Variants in SHROOM4 observed in about 807,000 individuals in gnomAD.
The protein encoded by SHROOM4 is shroom family member 4, also known as protein Shroom4.
In SHROOM4, 17 loss-of-function variants were observed where a neutral mutation model predicts 80.3. That is an observed-to-expected ratio of 0.21 (90% CI 0.14 to 0.32). The LOEUF is 0.32. Among genes scored for constraint, SHROOM4 ranks in the 10% least tolerant of loss-of-function variants. The pLI, the probability that SHROOM4 is intolerant of heterozygous loss-of-function variation, is 1.00. For synonymous variants in SHROOM4, 400 were observed against 437.5 expected (o/e 0.91, Z 1.07); for missense variants, 993 against 1,140.3 (o/e 0.87, Z 1.86).
intron 7 of SHROOM4, among the ~76,000 whole-genome samples, chrX:50,602,283 G>C (rs1929461234): frequency 9.1e-6 from 1 of 110,148 alleles, no homozygotes; most frequent in Non-Finnish European, 1.9e-5. Flanking sequence ...GTAGAGACGG[G>C]GTTTCACCAT....
intron 5 of SHROOM4, among the ~76,000 whole-genome samples, chrX:50,623,015 T>C (rs1930637019): frequency 8.9e-6 from 1 of 111,743 alleles, no homozygotes; most frequent in African/African-American, 3.3e-5. Flanking sequence ...GGTCTGAGTA[T>C]GGCCTGAGAA....
At chrX:50,805,514 T>C (rs1378687062) in intron 1 of SHROOM4, among the ~76,000 whole-genome samples, 3 of 111,486 alleles carry the variant, frequency 2.7e-5, no homozygotes, top group African/African-American at 9.8e-5. Context: ...ATTAAAAGAG[T>C]TGAGTGAAAG....
intron 1 of SHROOM4, among the ~76,000 whole-genome samples, chrX:50,707,744 C>A (rs1230926517): frequency 9.2e-6 from 1 of 108,649 alleles, no homozygotes; most frequent in Non-Finnish European, 1.9e-5. Context: ...CTTCCTTCTT[C>A]TTTATGGCTG....
At chrX:50,602,892 G>A (rs1217347675) in intron 6 of SHROOM4, 79 bp from the exon 7 acceptor site, 4 of 955,182 alleles carry the variant, frequency 4.2e-6, no homozygotes, top group Non-Finnish European at 5.9e-6. Context: ...TTCTCCATCT[G>A]AAAAATGGAA....
At chrX:50,776,458 C>T (rs1557270134) in intron 1 of SHROOM4, among the ~76,000 whole-genome samples, 1 of 110,947 alleles carries the variant, frequency 9.0e-6, no homozygotes, top group African/African-American at 3.3e-5. Flanking sequence ...ATATAAATAA[C>T]ACTATCTGCA....
intron 7 of SHROOM4, among the ~76,000 whole-genome samples, chrX:50,601,750 C>T (rs1199450056): frequency 8.9e-6 from 1 of 112,103 alleles, no homozygotes; most frequent in Non-Finnish European, 1.9e-5. Context: ...AATTGACTAT[C>T]CTTGCAAATA....
chrX:50,714,424 T>G (rs147809289), intron 1 of SHROOM4, among the ~76,000 whole-genome samples: 6,334 of 111,683 alleles, frequency 0.057, 439 homozygotes, highest in African/African-American at 0.2. Flanking sequence ...TAGAAGAAAG[T>G]ATCTTGAGAT....
intron 1 of SHROOM4, among the ~76,000 whole-genome samples, chrX:50,726,888 G>A (rs1486787390): frequency 3.6e-5 from 4 of 112,558 alleles, no homozygotes; most frequent in Non-Finnish European, 7.5e-5. Flanking sequence ...TGTGAGAAGA[G>A]GGCCACCATC....
intron 6 of SHROOM4, among the ~76,000 whole-genome samples, chrX:50,606,812 A>G (rs1929692333): frequency 9.1e-6 from 1 of 110,409 alleles, no homozygotes; most frequent in Non-Finnish European, 1.9e-5. Flanking sequence ...GAATGTCCTT[A>G]TCTATTGTAA....
intron 5 of SHROOM4, 105 bp from the exon 6 acceptor site, chrX:50,608,289 G>A: frequency 1.6e-6 from 1 of 639,547 alleles, no homozygotes; most frequent in South Asian, 2.6e-5. Context: ...ACAAAACAAT[G>A]TAGTATGTGT....
At chrX:50,758,802 C>T (rs1425206885) in intron 1 of SHROOM4, among the ~76,000 whole-genome samples, 2 of 111,354 alleles carry the variant, frequency 1.8e-5, no homozygotes, top group Non-Finnish European at 3.8e-5. Flanking sequence ...CTGGGCTTTT[C>T]TTTATGGGAA....
At chrX:50,626,440 G>T (rs782493380) in intron 5 of SHROOM4, among the ~76,000 whole-genome samples, 168 of 111,930 alleles carry the variant, frequency 1.5e-3, no homozygotes, top group African/African-American at 5.3e-3. Flanking sequence ...CCCTTTACTA[G>T]CTGTGAGACC....
chrX:50,614,840 A>C (rs933556696), intron 5 of SHROOM4, among the ~76,000 whole-genome samples: 2 of 112,604 alleles, frequency 1.8e-5, no homozygotes, highest in African/African-American at 6.5e-5. Context: ...ATAGGGACTA[A>C]ATAAAATAGG....
chrX:50,687,716 A>G (rs1297211374), intron 2 of SHROOM4, among the ~76,000 whole-genome samples: 2 of 111,352 alleles, frequency 1.8e-5, no homozygotes, highest in Non-Finnish European at 3.8e-5. Flanking sequence ...AGGTTCATAT[A>G]ATAAAAACTA....
chrX:50,763,557 T>A (rs1174215091), intron 1 of SHROOM4, among the ~76,000 whole-genome samples: 1 of 111,926 alleles, frequency 8.9e-6, no homozygotes, highest in Non-Finnish European at 1.9e-5. Context: ...GTGGTTTGCC[T>A]GGACTAATCT....
At chrX:50,626,087 GGAGT>G (rs1557253011) in intron 5 of SHROOM4, among the ~76,000 whole-genome samples, 1 of 111,434 alleles carries the variant, frequency 9.0e-6, no homozygotes, top group African/African-American at 3.3e-5. Flanking sequence ...AGAGAGAGAG[GGAGT>G]GAGGCAGGCA....
At chrX:50,707,806 C>T (rs1557264084) in intron 1 of SHROOM4, among the ~76,000 whole-genome samples, 1 of 111,160 alleles carries the variant, frequency 9.0e-6, no homozygotes, top group Non-Finnish European at 1.9e-5. Context: ...CTGGCTGGTG[C>T]TTATAAAGAG....
chrX:50,582,787 T>C (rs1218130032), downstream of SHROOM4, among the ~76,000 whole-genome samples: 6 of 111,722 alleles, frequency 5.4e-5, no homozygotes, highest in East Asian at 2.8e-4. Flanking sequence ...AATTATAATA[T>C]ACTTGAACCT....
chrX:50,669,556 C>T (rs1169413836), intron 2 of SHROOM4, among the ~76,000 whole-genome samples: 5 of 111,732 alleles, frequency 4.5e-5, no homozygotes, highest in African/African-American at 1.3e-4. Flanking sequence ...ATGCCTTGGC[C>T]TCCCAAAGTG....
Sources: allele counts gnomAD v4.1 joint callset (sites outside exome capture counted in the v4.1 genomes callset), GRCh38; gene constraint gnomAD v4.1.1; transcripts MANE v1.5; gene names NCBI Gene and HGNC (gene_info 2026-07-23, HGNC 2026-07-21).